The following MYH9 variants were observed in gnomAD, a reference collection of about 807,000 sequenced individuals.
MYH9 encodes the protein myosin-9.
A neutral mutation model predicts 241.9 loss-of-function variants in MYH9; 29 were observed. The ratio of observed to expected loss-of-function variants is 0.12; its 90% confidence interval spans 0.09 to 0.16. The LOEUF is 0.16. Among genes scored for constraint, MYH9 ranks in the 10% least tolerant of loss-of-function variants. The pLI is 1.00. For missense variants in MYH9, 1,803 were observed against 2,595.5 expected, an observed-to-expected ratio of 0.69 and a Z score of 6.63; for synonymous variants, 1,047 against 1,062.6, an observed-to-expected ratio of 0.99 and a Z score of 0.29.
intron 23 of MYH9, among the ~76,000 whole-genome samples, chr22:36,299,629 C>T (rs1047766882): frequency 3.3e-5 from 5 of 152,166 alleles, no homozygotes; most frequent in African/African-American, 1.2e-4. Flanking sequence ...TGAGGAGGCC[C>T]GAAAGGTGGG....
At chr22:36,341,304 G>A in intron 3 of MYH9, 66 bp downstream of exon 3, 1 of 1,597,210 alleles carries the variant, frequency 6.3e-7, no homozygotes, top group Non-Finnish European at 8.6e-7. Flanking sequence ...CTTAGCACCT[G>A]CAAAGGTGTC....
In MYH9 at chr22:36,306,646, T is replaced by C. The variant is rs1415572874; in HGVS notation, c.1844-39A>G. The C allele has an allele frequency of 1.9e-6, 3 of 1,587,120 alleles. No homozygotes were observed. Among genetic ancestry groups the C allele is most frequent in the African/African-American group, 2.7e-5 (2 of 74,296 alleles). ...AGAGAACACGTGAGTGCCCACACAG[T>C]TGCAGCTGGGTGGTGGGGGAGCACG... On this transcript the variant is annotated intron_variant, in intron 15 of 40. Transcript: ENST00000216181. The surrounding 1 kb of genome is among the most constrained non-coding windows in gnomAD (Gnocchi z 4.1).
At chr22:36,302,441 A>G in intron 20 of MYH9, 127 bp downstream of exon 20, 1 of 789,976 alleles carries the variant, frequency 1.3e-6, no homozygotes, top group Non-Finnish European at 2.1e-6. Flanking sequence ...GGAGCCCAAG[A>G]GTTTGTGACC....
At position 36,321,690 on chromosome 22, in the gene MYH9, T is replaced by G. The variant is rs1354737647; in HGVS notation, c.769+68A>C. On this transcript the variant is annotated intron_variant, in intron 7 of 40. Coordinates refer to ENST00000216181, the MANE Select transcript of MYH9 (RefSeq NM_002473.6). ...AAAGTGCTGGAATCAGGAGGCAGCTTCTTCTCTACAGAGGTCATGCCTCCC... is the reference window on the plus strand; with the variant it reads ...AAAGTGCTGGAATCAGGAGGCAGCTGCTTCTCTACAGAGGTCATGCCTCCC... The G allele has an allele frequency of 2.8e-6, 4 of 1,424,386 alleles. No homozygotes were observed. In the East Asian group the frequency reaches 9.1e-5, roughly 32 times the overall value. The allele number at this position is 1,424,386 out of a possible 1,614,324, so 88.2% of individuals were successfully genotyped here.
intron 11 of MYH9, among the ~76,000 whole-genome samples, chr22:36,317,081 C>T (rs1367365100): frequency 4.1e-5 from 6 of 145,602 alleles, no homozygotes; most frequent in African/African-American, 1.3e-4. Flanking sequence ...CAGCAGTCTA[C>T]GGCCATACCA....
At chr22:36,382,107 T>C (rs1351379034) in intron 1 of MYH9, among the ~76,000 whole-genome samples, 3 of 151,888 alleles carry the variant, frequency 2.0e-5, no homozygotes, top group Admixed American at 6.6e-5. Flanking sequence ...GGATTACAGA[T>C]GTGAGCCACC....
intron 1 of MYH9, among the ~76,000 whole-genome samples, chr22:36,360,629 C>T (rs1345296719): frequency 6.0e-5 from 9 of 150,766 alleles, no homozygotes; most frequent in African/African-American, 2.0e-4. Context: ...AGGAGAATGG[C>T]GTGAACCTGG....
At position 36,318,145 on chromosome 22, in the gene MYH9, T is replaced by C. The variant is rs1181492990; in HGVS notation, c.1227+62A>G. ...CAGGATGGCCCACAACAGCCTCAAC[T>C]GTGCTGCTGCAGGGACATTCACCCA... On this transcript the variant is annotated intron_variant, in intron 11 of 40. Coordinates refer to ENST00000216181, the MANE Select transcript of MYH9 (RefSeq NM_002473.6). 3 of 1,440,098 alleles carry C rather than the reference T, an allele frequency of 2.1e-6. No individual in the cohort carries two copies. The Admixed American group carries it at 5.0e-5, about 24-fold the overall frequency. The allele number at this position is 1,440,098 out of a possible 1,614,324, so 89.2% of individuals were successfully genotyped here. A position where few individuals can be genotyped will look rare whatever the true frequency, so the allele number is the denominator to read the frequency against.
At chr22:36,381,307 G>C (rs2018251577) in intron 1 of MYH9, among the ~76,000 whole-genome samples, 1 of 152,056 alleles carries the variant, frequency 6.6e-6, no homozygotes, top group Admixed American at 6.6e-5. Context: ...TTGAAGTCAG[G>C]AGATGGGGAC....
chr22:36,306,693 C>T lies in MYH9; in HGVS notation c.1844-86G>A, dbSNP rs918836539. ...CACGTAGGAGAGAGAGACAGGCACACGTCGGACAGGAAAAGAGGAGACAGA... is the reference window on the plus strand; with the variant it reads ...CACGTAGGAGAGAGAGACAGGCACATGTCGGACAGGAAAAGAGGAGACAGA... On this transcript the variant is annotated intron_variant, in intron 15 of 40. Transcript: ENST00000216181. The surrounding 1 kb of genome is among the most constrained non-coding windows in gnomAD (Gnocchi z 4.1). 114 of 1,306,990 alleles carry T rather than the reference C, an allele frequency of 8.7e-5. No homozygotes were observed. Among genetic ancestry groups the T allele is most frequent in the Middle Eastern group, 7.1e-4 (3 of 4,246 alleles). 81.0% of individuals were successfully genotyped at this position (1,306,990 alleles called of 1,614,324 possible).
chr22:36,317,839 A>G (rs1405704360), intron 11 of MYH9, among the ~76,000 whole-genome samples: 1 of 152,220 alleles, frequency 6.6e-6, no homozygotes, highest in African/African-American at 2.4e-5. Context: ...GGATGGCGGG[A>G]GCCGCCACCC....
intron 20 of MYH9, chr22:36,302,219 G>T (rs993359761): frequency 6.9e-6 from 2 of 287,834 alleles, no homozygotes; most frequent in Non-Finnish European, 1.4e-5. Context: ...CTTTTTGTGA[G>T]TTGGTTTTTC....
chr22:36,305,619 C>G lies in MYH9; in HGVS notation c.2159+311G>C, dbSNP rs1227530496. Among the ~76,000 whole-genome samples, 1 of 152,222 alleles carries G rather than the reference C, an allele frequency of 6.6e-6. No homozygotes were observed. The highest frequency in any genetic ancestry group is 6.5e-5 in the Admixed American group (1 of 15,278). On this transcript the variant is annotated intron_variant, in intron 17 of 40. Transcript: ENST00000216181. This position sits in a 1 kb window ranked among gnomAD's most constrained non-coding sequence, Gnocchi z 4.7. ...TTCCTGTAATATCCTAGGTCTCTGG[C>G]TGATTCTTTTACATTTCTTTTCATA...
At position 36,300,975 on chromosome 22, in the gene MYH9, C is replaced by T. The variant is rs727503289; in HGVS notation, c.2714G>A (p.Arg905His). The T allele has an allele frequency of 1.7e-5, 28 of 1,611,686 alleles. No homozygotes were observed. The highest frequency in any genetic ancestry group is 8.3e-5 in the Admixed American group (5 of 60,026). ...TAATTCCTGCTTCTTGGCGGTCAGGCGGGCCCGGAGCTCCTCAGCCTCGGC... is the reference window on the plus strand; with the variant it reads ...TAATTCCTGCTTCTTGGCGGTCAGGTGGGCCCGGAGCTCCTCAGCCTCGGC... ...LCAEAEELRA[R>H]LTAKKQELEE... Residue 905 changes from arginine to histidine, a missense_variant, in exon 22 of 41, where the codon CGC becomes CAC. Around this residue, in one of 11 missense-constraint regions of MYH9, gnomAD observed 290 missense variants for 360.5 expected, o/e 0.80. Transcript: ENST00000216181. The surrounding 1 kb of genome is among the most constrained non-coding windows in gnomAD (Gnocchi z 5.0).
At chr22:36,364,774 CT>C (rs2017985558) in intron 1 of MYH9, 2 of 152,212 alleles carry the variant, frequency 1.3e-5, no homozygotes, top group Non-Finnish European at 2.9e-5. Context: ...TGATTTTTCA[CT>C]TACAGCCTTC....
At chr22:36,302,810 G>A (rs1720836531) in intron 19 of MYH9, 134 bp from the exon 20 acceptor site, 3 of 732,442 alleles carry the variant, frequency 4.1e-6, no homozygotes, top group Admixed American at 2.0e-5. Flanking sequence ...TCAGGGAAGG[G>A]GTCTGGCCTT....
intron 1 of MYH9, among the ~76,000 whole-genome samples, chr22:36,359,998 A>C (rs938085558): frequency 2.7e-5 from 4 of 150,266 alleles, no homozygotes; most frequent in Non-Finnish European, 5.9e-5. Context: ...AGCTGTTAGC[A>C]CCCCAATTTC....
chr22:36,352,090 C>A (rs1189650462), intron 1 of MYH9, among the ~76,000 whole-genome samples: 21 of 152,216 alleles, frequency 1.4e-4, no homozygotes, highest in Admixed American at 1.4e-3. Flanking sequence ...CCCAGGGACG[C>A]CTGGCTCCTG....
At position 36,320,661 on chromosome 22, in the gene MYH9, A is replaced by T; in HGVS notation, c.868+137T>A. ...CCAAGTCCTTAGGATGGCGCAGAGA[A>T]CAGGAGTCACTCTCACTTCTCCCCG... is the stretch of plus-strand genomic sequence containing the variant. On this transcript the variant is annotated intron_variant, in intron 8 of 40. Transcript: ENST00000216181. This position sits in a 1 kb window ranked among gnomAD's most constrained non-coding sequence, Gnocchi z 4.8. 1.3e-6 allele frequency: 1 copy of T among 777,426 alleles called. No homozygotes were observed. The highest frequency in any genetic ancestry group is 2.2e-6 in the Non-Finnish European group (1 of 458,474). 48.2% of individuals were successfully genotyped at this position (777,426 alleles called of 1,614,324 possible).
Sources: gnomAD v4.1 joint callset for allele counts (sites outside exome capture counted in the v4.1 genomes callset) on GRCh38, gnomAD v4.1.1 for gene constraint, gnomAD v4.1.1 regional missense constraint, Gnocchi (gnomAD v3.1) non-coding constraint, MANE v1.5 for transcripts, NCBI Gene and HGNC (gene_info 2026-07-23, HGNC 2026-07-21) for gene names.